CACNA2D4: variants seen among roughly 807,000 people sequenced by gnomAD.
CACNA2D4 encodes the protein calcium voltage-gated channel auxiliary subunit alpha2delta 4.
Under a neutral mutation model 163.8 loss-of-function variants are expected in CACNA2D4, and 157 were observed. That is an observed-to-expected ratio of 0.96 (90% CI 0.84 to 1.09). The LOEUF (loss-of-function observed/expected upper bound fraction) is 1.09, where lower values mean the gene tolerates loss of function less well. Ranked by LOEUF, CACNA2D4 falls within the 50% of genes least tolerant of loss-of-function variation. CACNA2D4 has a pLI of 0.00. For missense variants in CACNA2D4, 1,410 were observed against 1,479.9 expected (o/e 0.95, Z 0.78); for synonymous variants, 598 against 586.9 (o/e 1.02, Z -0.27).
In CACNA2D4 at chr12:1,907,461, C is replaced by T. The variant is rs766934178; in HGVS notation, c.760G>A (p.Gly254Arg). The T allele has an allele frequency of 6.2e-7, 1 of 1,613,960 alleles. No individual in the cohort carries two copies. Among genetic ancestry groups the T allele is most frequent in the South Asian group, 1.1e-5 (1 of 91,074 alleles). Reference protein sequence around the residue: ...LTWQYFGSATGFFRIYPGIKW... With the variant: ...LTWQYFGSATRFFRIYPGIKW... ...TTACCTGGATAGATCCTGAAGAATC[C>T]AGTTGCACTGCCAAAATATTGCCAG... is the stretch of plus-strand genomic sequence containing the variant. Residue 254 changes from glycine to arginine, a missense_variant, in exon 6 of 38, where the codon GGA (glycine) becomes AGA (arginine). Gly to Arg is a moderately radical substitution (Grantham distance 125). Transcript: ENST00000382722.
intron 29 of CACNA2D4, among the ~76,000 whole-genome samples, chr12:1,808,063 T>G (rs1782044392): frequency 6.6e-6 from 1 of 152,148 alleles, no homozygotes; most frequent in East Asian, 1.9e-4. Context: ...TCTCAGTGAT[T>G]TTACAATCTG....
chr12:1,838,714 A>G (rs1380466369), intron 26 of CACNA2D4, among the ~76,000 whole-genome samples: 4 of 152,186 alleles, frequency 2.6e-5, no homozygotes, highest in African/African-American at 7.2e-5. Flanking sequence ...TGGAGAGTGC[A>G]GGAAAGCACA....
Position 1,909,887 on chromosome 12 carries a change from T to C in CACNA2D4, c.486+19A>G. The C allele has an allele frequency of 6.2e-7, 1 of 1,611,604 alleles. No individual in the cohort carries two copies. The highest frequency in any genetic ancestry group is 8.5e-7 in the Non-Finnish European group (1 of 1,178,016). On this transcript the variant is annotated intron_variant, in intron 4 of 37. Transcript: ENST00000382722. Reference sequence around the variant, plus strand: ...GGCGATCCTGGCCCTCTGGCACCAGTGCCAGGAGTGGGACTCACCACCAGG... The same window carrying C: ...GGCGATCCTGGCCCTCTGGCACCAGCGCCAGGAGTGGGACTCACCACCAGG...
At chr12:1,805,875 G>A (rs1592656475) in intron 29 of CACNA2D4, among the ~76,000 whole-genome samples, 1 of 152,270 alleles carries the variant, frequency 6.6e-6, no homozygotes, top group South Asian at 2.1e-4. Context: ...TTGAAGATGA[G>A]GAGCCTGGGC....
chr12:1,811,937 C>G, intron 26 of CACNA2D4: 2 of 581,014 alleles, frequency 3.4e-6, no homozygotes, highest in South Asian at 4.3e-5. Flanking sequence ...CTCGTTCCCA[C>G]TGGAAGAAGA....
chr12:1,819,972 G>C (rs187455319), intron 26 of CACNA2D4, among the ~76,000 whole-genome samples: 1 of 152,362 alleles, frequency 6.6e-6, no homozygotes, highest in East Asian at 1.9e-4. Flanking sequence ...CCCTGGCTTT[G>C]TGGGGGCTCA....
In CACNA2D4 at chr12:1,836,931, G is replaced by A. The variant is rs571852853; in HGVS notation, c.2551+3808C>T. 2.1e-3 allele frequency among the ~76,000 whole-genome samples: 327 copies of A among 152,322 alleles called. 2 individuals carry two copies. Among genetic ancestry groups the A allele is most frequent in the African/African-American group, 7.6e-3 (314 of 41,566 alleles). ...GGCTGGGGCACCGCTGGGAGAGGGC[G>A]GAGGCCGAGTCCTGGATCAGAGCCA... On this transcript the variant is annotated intron_variant, in intron 26 of 37. Coordinates refer to ENST00000382722, the MANE Select transcript of CACNA2D4 (RefSeq NM_172364.5).
chr12:1,797,385 G>A (rs1863162158), intron 35 of CACNA2D4, 33 bp downstream of exon 35: 3 of 1,436,726 alleles, frequency 2.1e-6, no homozygotes, highest in East Asian at 4.9e-5. Flanking sequence ...GGAGGAGTGT[G>A]GCGGGACGGG....
intron 26 of CACNA2D4, among the ~76,000 whole-genome samples, chr12:1,837,415 ACTGGAGGG>A (rs1351094565): frequency 6.6e-6 from 1 of 151,818 alleles, no homozygotes; most frequent in Non-Finnish European, 1.5e-5. Flanking sequence ...GGAATTACGG[ACTGGAGGG>A]CTGGGGAGTG....
chr12:1,885,139 T>G (rs961979437), intron 9 of CACNA2D4, 63 bp from the exon 10 acceptor site: 14 of 1,394,922 alleles, frequency 1.0e-5, no homozygotes, highest in Non-Finnish European at 1.3e-5. Flanking sequence ...AGCTTCATGT[T>G]TGGTGTTAAT....
At chr12:1,797,981 C>A (rs1348709700) in intron 34 of CACNA2D4, among the ~76,000 whole-genome samples, 1 of 152,150 alleles carries the variant, frequency 6.6e-6, no homozygotes, top group Non-Finnish European at 1.5e-5. Context: ...CCTGGGCAAT[C>A]CTGCCCTGCT....
At chr12:1,868,037 A>G (rs574447013) in intron 18 of CACNA2D4, among the ~76,000 whole-genome samples, 2 of 152,342 alleles carry the variant, frequency 1.3e-5, no homozygotes, top group East Asian at 3.9e-4. Flanking sequence ...TGGTGCAACC[A>G]CTGTGGAAAA....
chr12:1,918,620 C>T lies in CACNA2D4; in HGVS notation c.-147G>A. 1 of 611,868 alleles carries T rather than the reference C, an allele frequency of 1.6e-6. No homozygotes were observed. Among genetic ancestry groups the T allele is most frequent in the Non-Finnish European group, 2.8e-6 (1 of 352,646 alleles). 37.9% of individuals were successfully genotyped at this position (611,868 alleles called of 1,614,324 possible). On this transcript the variant is annotated 5_prime_UTR_variant, in exon 1 of 38. Coordinates refer to ENST00000382722, the MANE Select transcript of CACNA2D4 (RefSeq NM_172364.5). ...AGCTGCAGCTCACAGAAGAGTCGCC[C>T]CACCTAGCAAGCAGGCCTCGGAGAC...
At chr12:1,849,711 T>C (rs953612603) in intron 23 of CACNA2D4, among the ~76,000 whole-genome samples, 5 of 152,252 alleles carry the variant, frequency 3.3e-5, no homozygotes, top group African/African-American at 1.2e-4. Context: ...ACCTGACTTT[T>C]GGTTCCTTGT....
At chr12:1,800,590 C>G in intron 31 of CACNA2D4, 152 bp from the exon 32 acceptor site, 1 of 615,904 alleles carries the variant, frequency 1.6e-6, no homozygotes, top group Non-Finnish European at 2.8e-6. Flanking sequence ...CAGCCCAGCA[C>G]CCCCCATCCC....
chr12:1,800,317 C>G, intron 32 of CACNA2D4, 69 bp downstream of exon 32: 1 of 1,537,362 alleles, frequency 6.5e-7, no homozygotes, highest in South Asian at 1.1e-5. Context: ...CAGCCTCCTG[C>G]TCAAGGACAC....
chr12:1,856,025 G>A lies in CACNA2D4; in HGVS notation c.2139C>T (p.Asp713=), dbSNP rs1865390771. Residue 713 remains aspartate (D), a synonymous_variant, in exon 22 of 38, where the codon GAC becomes GAT. Coordinates refer to ENST00000382722, the MANE Select transcript of CACNA2D4 (RefSeq NM_172364.5). ...EAMIRFLTRK[D]PDLECDEELV... Reference sequence around the variant, plus strand: ...GCCAGCACTCACACTCCAGGTCTGGGTCCTTCCTGGTGAGGAAGCGGATCA... The same window carrying A: ...GCCAGCACTCACACTCCAGGTCTGGATCCTTCCTGGTGAGGAAGCGGATCA... The A allele has an allele frequency of 1.2e-6, 2 of 1,613,470 alleles. No individual in the cohort carries two copies. Among genetic ancestry groups the A allele is most frequent in the African/African-American group, 2.7e-5 (2 of 75,064 alleles).
At chr12:1,810,690 C>G in intron 27 of CACNA2D4, 103 bp from the exon 28 acceptor site, 1 of 1,157,802 alleles carries the variant, frequency 8.6e-7, no homozygotes, top group Non-Finnish European at 1.3e-6. Flanking sequence ...AGTGTGTGTG[C>G]ATGTGTGCAT....
chr12:1,888,430 C>T (rs1866202691), intron 6 of CACNA2D4, among the ~76,000 whole-genome samples: 1 of 152,094 alleles, frequency 6.6e-6, no homozygotes, highest in Non-Finnish European at 1.5e-5. Flanking sequence ...GGAGCAGACC[C>T]CTATTAGTGG....
Sources: gnomAD v4.1 joint callset for allele counts (sites outside exome capture counted in the v4.1 genomes callset) on GRCh38, gnomAD v4.1.1 for gene constraint, MANE v1.5 for transcripts, NCBI Gene and HGNC (gene_info 2026-07-23, HGNC 2026-07-21) for gene names.